STKLD1: variants seen among roughly 807,000 people sequenced by gnomAD.
The protein encoded by STKLD1 is serine/threonine kinase-like domain-containing protein STKLD1.
A neutral mutation model predicts 80.4 loss-of-function variants in STKLD1; 79 were observed. That is an observed-to-expected ratio of 0.98 (90% confidence interval 0.82 to 1.19). The LOEUF (loss-of-function observed/expected upper bound fraction) is 1.19, where lower values mean the gene tolerates loss of function less well. Ranked by LOEUF, STKLD1 falls within the 50% of genes most tolerant of loss-of-function variation. The pLI is 0.00. For missense variants in STKLD1, 841 were observed against 856.0 expected (o/e 0.98, Z 0.22); for synonymous variants, 393 against 357.6 (o/e 1.10, Z -1.12).
chr9:133,388,938 C>G (rs1179057904), intron 5 of STKLD1: 24 of 985,244 alleles, frequency 2.4e-5, no homozygotes, highest in Non-Finnish European at 2.8e-5. Flanking sequence ...TGCAGCAGAC[C>G]TACTCTAACT....
Position 133,376,498 on chromosome 9 carries a change from A to G in STKLD1, c.25A>G (p.Arg9Gly). The change falls in exon 1 of 18, where the codon AGG becomes GGG. Residue 9 changes from arginine (R) to glycine (G), a missense_variant. Coordinates refer to ENST00000371957, the MANE Select transcript of STKLD1 (RefSeq NM_153710.5). MLGPGSNR[R>G]RPTQGERGPG... ...CATGCTTGGGCCAGGGTCCAATCGC[A>G]GGCGCCCCACGCAGGGGGAGCGAGG... is the stretch of plus-strand genomic sequence containing the variant. 1 of 1,596,814 alleles carries G rather than the reference A, an allele frequency of 6.3e-7. No individual in the cohort carries two copies. Among genetic ancestry groups the G allele is most frequent in the Non-Finnish European group, 8.5e-7 (1 of 1,173,516 alleles).
At chr9:133,402,728 G>A in intron 13 of STKLD1, 150 bp from the exon 14 acceptor site, 1 of 819,188 alleles carries the variant, frequency 1.2e-6, no homozygotes, top group Non-Finnish European at 1.9e-6. Context: ...ACATCCTCCT[G>A]TTCAGGGCTC....
chr9:133,377,996 A>G (rs1360999220), intron 1 of STKLD1, among the ~76,000 whole-genome samples: 1 of 152,142 alleles, frequency 6.6e-6, no homozygotes, highest in Non-Finnish European at 1.5e-5. Flanking sequence ...ACTGTTCACA[A>G]TAGGGTTCAC....
chr9:133,381,154 T>G (rs1838122518), intron 2 of STKLD1, among the ~76,000 whole-genome samples: 1 of 148,288 alleles, frequency 6.7e-6, no homozygotes, highest in Admixed American at 6.7e-5. Flanking sequence ...TTTTTTTTTT[T>G]TGAGATGGAG....
intron 12 of STKLD1, 115 bp downstream of exon 12, chr9:133,400,644 T>C: frequency 1.2e-6 from 1 of 815,918 alleles, no homozygotes; most frequent in South Asian, 1.5e-5. Context: ...AGCCATGCCC[T>C]GCTCCCTGCT....
chr9:133,393,103 A>G (rs1838449545), intron 7 of STKLD1, among the ~76,000 whole-genome samples: 1 of 51,654 alleles, frequency 1.9e-5, no homozygotes, highest in African/African-American at 8.0e-5. Context: ...GTGTGGATGG[A>G]TGTGTGGGTG....
At chr9:133,383,007 ATGG>A (rs1368417365) in intron 2 of STKLD1, among the ~76,000 whole-genome samples, 4 of 143,496 alleles carry the variant, frequency 2.8e-5, no homozygotes, top group Non-Finnish European at 4.5e-5. Context: ...TGTGATGGTG[ATGG>A]TGGTAATGAT....
chr9:133,389,428 A>AGGATAC lies in STKLD1; in HGVS notation c.397-97_397-92dup. The AGGATAC allele has an allele frequency of 2.0e-6, 3 of 1,524,494 alleles. No homozygotes were observed. Among genetic ancestry groups the AGGATAC allele is most frequent in the Non-Finnish European group, 2.6e-6 (3 of 1,132,742 alleles). 94.4% of individuals were successfully genotyped at this position (1,524,494 alleles called of 1,614,324 possible). ...CAGGCCTGTCTCAAGATGCAAGGAG[A>AGGATAC]GGATACACCACCATCCTGCTGGCTG... is the stretch of plus-strand genomic sequence containing the variant. On this transcript the variant is annotated intron_variant, in intron 5 of 17. Transcript: ENST00000371957. The surrounding 1 kb of genome is among the most constrained non-coding windows in gnomAD (Gnocchi z 6.4).
intron 11 of STKLD1, among the ~76,000 whole-genome samples, chr9:133,398,746 T>TC (rs1838622990): frequency 6.6e-6 from 1 of 152,304 alleles, no homozygotes; most frequent in South Asian, 2.1e-4. Flanking sequence ...ACCACCGCAC[T>TC]CCAGCCTAGA....
intron 14 of STKLD1, among the ~76,000 whole-genome samples, chr9:133,403,338 C>A (rs201154169): frequency 5.0e-5 from 7 of 140,648 alleles, no homozygotes; most frequent in Non-Finnish European, 9.0e-5. Context: ...CAGAGGGCAG[C>A]GGTGGTGTGG....
chr9:133,404,329 G>T (rs192728480), intron 16 of STKLD1, among the ~76,000 whole-genome samples: 1 of 152,078 alleles, frequency 6.6e-6, no homozygotes, highest in African/African-American at 2.4e-5. Flanking sequence ...CAGGCACACC[G>T]TGACTGATCA....
intron 2 of STKLD1, among the ~76,000 whole-genome samples, chr9:133,382,733 T>C (rs1282275208): frequency 1.4e-5 from 2 of 145,316 alleles, no homozygotes; most frequent in South Asian, 4.4e-4. Flanking sequence ...GTGTTGATGG[T>C]GTGATGGTGG....
Position 133,387,537 on chromosome 9 carries a change from A to AT in STKLD1, c.387dup (p.Asp130Ter). On this transcript the variant is annotated frameshift_variant, in exon 5 of 18. Transcript: ENST00000371957. LOFTEE classifies it high-confidence loss of function. The stretch of plus-strand genomic sequence containing the variant: ...GGATAAGAGGAAGGCAAAGAAAATC[A>AT]TTGACTCTGAGGTGAGGTCCTTTGG... 6.2e-7 allele frequency: 1 copy of AT among 1,613,796 alleles called. No homozygotes were observed. The highest frequency in any genetic ancestry group is 8.5e-7 in the Non-Finnish European group (1 of 1,179,846).
intron 5 of STKLD1, among the ~76,000 whole-genome samples, chr9:133,388,494 G>A (rs1403696632): frequency 1.3e-5 from 2 of 152,028 alleles, no homozygotes; most frequent in African/African-American, 4.8e-5. Flanking sequence ...TGATCCACCC[G>A]CCTCGGCCTC....
intron 17 of STKLD1, 143 bp from the exon 18 acceptor site, chr9:133,405,109 G>A: frequency 1.5e-6 from 2 of 1,305,188 alleles, no homozygotes; most frequent in Non-Finnish European, 2.1e-6. Context: ...GGCTGAGGGT[G>A]ACGCTTGGGG....
intron 5 of STKLD1, chr9:133,388,841 T>C (rs959584995): frequency 1.0e-5 from 10 of 985,296 alleles, no homozygotes; most frequent in Middle Eastern, 5.2e-4. Context: ...TCTCTTACCA[T>C]GGGCCTCAGA....
chr9:133,377,386 C>T (rs2130253783), intron 1 of STKLD1, among the ~76,000 whole-genome samples: 5 of 152,214 alleles, frequency 3.3e-5, no homozygotes, highest in African/African-American at 7.2e-5. Context: ...AGTCCCTGGC[C>T]GGGCTCGGTG....
chr9:133,405,415 G>A lies in STKLD1; in HGVS notation c.2037G>A (p.Leu679=), dbSNP rs267602152. 14 of 1,604,892 alleles carry A rather than the reference G, an allele frequency of 8.7e-6. No individual in the cohort carries two copies. Among genetic ancestry groups the A allele is most frequent in the African/African-American group, 4.0e-5 (3 of 74,752 alleles). Residue 679 remains leucine (L), a synonymous_variant, in exon 18 of 18, where the codon CTG becomes CTA. Transcript: ENST00000371957. The part of the protein sequence containing the change: ...PQLGCTTSGG[L]E ...TGGGGTGCACCACGTCTGGGGGACTGGAATAGATGTTTGTATGGAACTGAC... is the reference window on the plus strand; with the variant it reads ...TGGGGTGCACCACGTCTGGGGGACTAGAATAGATGTTTGTATGGAACTGAC...
chr9:133,405,872 T>C lies in STKLD1; in HGVS notation c.*451T>C, dbSNP rs3124782. The C allele has an allele frequency of 0.54, 84,911 of 158,106 alleles. 23,404 individuals are homozygous for C. Among genetic ancestry groups the C allele is most frequent in the African/African-American group, 0.64 (26,382 of 41,462 alleles). 9.8% of individuals were successfully genotyped at this position (158,106 alleles called of 1,614,324 possible). A position where few individuals can be genotyped will look rare whatever the true frequency, so the allele number is the denominator to read the frequency against. On this transcript the variant is annotated 3_prime_UTR_variant, in exon 18 of 18. Coordinates refer to ENST00000371957, the MANE Select transcript of STKLD1 (RefSeq NM_153710.5). ...GGGTCATCCAGCACCAGAATGCGCA[T>C]CTCACACTCCTCTTAGGTGACTAAT...
Sources: gnomAD v4.1 joint callset for allele counts (sites outside exome capture counted in the v4.1 genomes callset) on GRCh38, gnomAD v4.1.1 for gene constraint, Gnocchi (gnomAD v3.1) non-coding constraint, MANE v1.5 for transcripts, NCBI Gene and HGNC (gene_info 2026-07-23, HGNC 2026-07-21) for gene names.